PTPRD: variants seen among roughly 807,000 people sequenced by gnomAD.
PTPRD encodes the protein receptor-type tyrosine-protein phosphatase delta.
PTPRD carries 34 observed loss-of-function variants against 214.5 expected under a neutral mutation model. The ratio of observed to expected loss-of-function variants is 0.16; its 90% confidence interval spans 0.12 to 0.21. The LOEUF (loss-of-function observed/expected upper bound fraction) is 0.21. PTPRD is among the 10% of genes least tolerant of loss of function. The pLI, the probability that PTPRD is intolerant of heterozygous loss-of-function variation, is 1.00. For missense variants in PTPRD, 2,545 were observed against 2,398.7 expected (o/e 1.06, Z -1.27); for synonymous variants, 1,128 against 845.7 (o/e 1.33, Z -5.79).
intron 7 of PTPRD, among the ~76,000 whole-genome samples, chr9:9,652,450 G>A (rs2096386884): frequency 6.6e-6 from 1 of 152,100 alleles, no homozygotes; most frequent in African/African-American, 2.4e-5. Context: ...GGTATTTAGA[G>A]TTCTTGATAT....
rs533794076 is a variant in PTPRD, at chr9:8,439,808, CTA to C, written c.3989-3121_3989-3120del. Among the ~76,000 whole-genome samples the C allele has an allele frequency of 9.0e-3, 1,369 of 152,134 alleles. 8 individuals carry two copies. The highest frequency in any genetic ancestry group is 0.016 in the Non-Finnish European group (1,061 of 67,982). ...AATGAAAAGGTAGACACTAAGAAAA[CTA>C]TGAATTTGACCTCACTGTGGTACCT... On this transcript the variant is annotated intron_variant, in intron 34 of 45. Transcript: ENST00000381196.
chr9:9,410,413 T>C (rs78848949), intron 8 of PTPRD, among the ~76,000 whole-genome samples: 2 of 152,256 alleles, frequency 1.3e-5, no homozygotes, highest in Admixed American at 1.3e-4. Flanking sequence ...TCATATTTCA[T>C]CTTTTTGTTT....
At chr9:8,823,814 T>G (rs1001339422) in intron 11 of PTPRD, among the ~76,000 whole-genome samples, 6 of 152,146 alleles carry the variant, frequency 3.9e-5, no homozygotes, top group Admixed American at 1.3e-4. Flanking sequence ...GAGTTTGCAG[T>G]GCAAAGTGAA....
At chr9:8,933,621 C>T (rs1024537504) in intron 11 of PTPRD, among the ~76,000 whole-genome samples, 12 of 151,884 alleles carry the variant, frequency 7.9e-5, no homozygotes, top group African/African-American at 2.4e-4. Context: ...TACAGTTTTT[C>T]AAGTGACTAT....
intron 11 of PTPRD, among the ~76,000 whole-genome samples, chr9:8,766,913 T>C (rs892520758): frequency 7.2e-5 from 11 of 152,346 alleles, no homozygotes; most frequent in Middle Eastern, 3.4e-3. Flanking sequence ...ATTGGCTTCA[T>C]AGGTTTCGCA....
At chr9:10,320,694 T>C (rs1388945671) in intron 3 of PTPRD, among the ~76,000 whole-genome samples, 1 of 152,004 alleles carries the variant, frequency 6.6e-6, no homozygotes, top group Non-Finnish European at 1.5e-5. Context: ...CTGAGACCAT[T>C]GATTTGAGGC....
At chr9:8,557,465 G>C (rs1363643998) in intron 14 of PTPRD, among the ~76,000 whole-genome samples, 1 of 124,570 alleles carries the variant, frequency 8.0e-6, no homozygotes, top group Admixed American at 7.4e-5. Flanking sequence ...TATTTGGGCC[G>C]GGCGCGGTGG....
At chr9:10,406,437 C>A (rs73404300) in intron 2 of PTPRD, among the ~76,000 whole-genome samples, 1 of 151,236 alleles carries the variant, frequency 6.6e-6, no homozygotes, top group Non-Finnish European at 1.5e-5. Context: ...TATTCATTTG[C>A]GTAAAGAAAA....
At chr9:10,191,607 C>T (rs1434257330) in intron 3 of PTPRD, among the ~76,000 whole-genome samples, 1 of 152,102 alleles carries the variant, frequency 6.6e-6, no homozygotes, top group Non-Finnish European at 1.5e-5. Context: ...TTAGATATCC[C>T]TATACTTTGT....
chr9:8,540,357 C>A (rs2078088161), intron 14 of PTPRD, among the ~76,000 whole-genome samples: 1 of 151,990 alleles, frequency 6.6e-6, no homozygotes, highest in Admixed American at 6.6e-5. Flanking sequence ...ACCAATTTCA[C>A]ACAAATGATG....
chr9:8,705,814 G>A (rs2098194027), intron 12 of PTPRD, among the ~76,000 whole-genome samples: 1 of 152,048 alleles, frequency 6.6e-6, no homozygotes, highest in Non-Finnish European at 1.5e-5. Context: ...ATATAGTAAA[G>A]GCAATTCCCT....
intron 8 of PTPRD, among the ~76,000 whole-genome samples, chr9:9,422,849 G>A (rs116375108): frequency 0.019 from 2,865 of 152,218 alleles, 87 homozygotes; most frequent in African/African-American, 0.065. Flanking sequence ...AAAAGGCTAT[G>A]AACCTAAACA....
intron 12 of PTPRD, among the ~76,000 whole-genome samples, chr9:8,726,277 A>G (rs1029553358): frequency 6.6e-6 from 1 of 151,868 alleles, no homozygotes; most frequent in Non-Finnish European, 1.5e-5. Flanking sequence ...CTCCCAACCA[A>G]GTCAAGGTTA....
Position 9,164,428 on chromosome 9 carries a change from T to C in PTPRD, c.-143+18876A>G, listed in dbSNP as rs1163175816. On this transcript the variant is annotated intron_variant, in intron 10 of 45. Coordinates refer to ENST00000381196, the MANE Select transcript of PTPRD (RefSeq NM_002839.4). ...TTGGGCCCACCTAGGTAATCCAAGG[T>C]ACTCTTCTGATCACGATATCTTTAA... 3.9e-5 allele frequency among the ~76,000 whole-genome samples: 6 copies of C among 152,178 alleles called. No homozygotes were observed. The South Asian group carries it at 1.2e-3, about 31-fold the overall frequency.
At chr9:10,608,337 T>C (rs1300048400) in intron 2 of PTPRD, among the ~76,000 whole-genome samples, 4 of 151,950 alleles carry the variant, frequency 2.6e-5, no homozygotes, top group African/African-American at 4.8e-5. Context: ...GGCAGCAGCA[T>C]AGGGTCATTT....
intron 32 of PTPRD, 128 bp from the exon 33 acceptor site, chr9:8,460,699 C>T (rs1309067238): frequency 3.6e-6 from 3 of 842,568 alleles, no homozygotes; most frequent in African/African-American, 3.5e-5. Flanking sequence ...GCAATATTAG[C>T]AAAACAGAGG....
intron 32 of PTPRD, among the ~76,000 whole-genome samples, chr9:8,461,980 ACTAGCATCT>A (rs2096420515): frequency 6.6e-6 from 1 of 151,718 alleles, no homozygotes; most frequent in Non-Finnish European, 1.5e-5. Flanking sequence ...TCTATTCTCT[ACTAGCATCT>A]CTTGTCCTCT....
intron 8 of PTPRD, among the ~76,000 whole-genome samples, chr9:9,518,344 G>C (rs1285101856): frequency 1.3e-5 from 2 of 152,084 alleles, no homozygotes; most frequent in East Asian, 3.9e-4. Context: ...GCTACGGGAA[G>C]ATTCTACTCA....
chr9:8,837,059 T>C (rs2097443838), intron 11 of PTPRD, among the ~76,000 whole-genome samples: 1 of 139,134 alleles, frequency 7.2e-6, no homozygotes, highest in African/African-American at 2.7e-5. Flanking sequence ...GGAGTCTCGC[T>C]GTGTCACCCA....
Sources: gnomAD v4.1 joint callset for allele counts (sites outside exome capture counted in the v4.1 genomes callset) on GRCh38, gnomAD v4.1.1 for gene constraint, MANE v1.5 for transcripts, NCBI Gene and HGNC (gene_info 2026-07-23, HGNC 2026-07-21) for gene names.